RABGAP1L: variants seen among roughly 807,000 people sequenced by gnomAD.
The protein encoded by RABGAP1L is rab GTPase-activating protein 1-like.
RABGAP1L carries 63 observed loss-of-function variants against 137.7 expected under a neutral mutation model. The observed-to-expected ratio is 0.46, with a 90% CI of 0.37 to 0.56. The LOEUF (loss-of-function observed/expected upper bound fraction) is 0.56. RABGAP1L is among the 20% of genes least tolerant of loss of function. The pLI is 0.00. For missense variants in RABGAP1L, 1,095 were observed against 1,244.0 expected (o/e 0.88, Z 1.80); for synonymous variants, 431 against 433.7 (o/e 0.99, Z 0.08).
rs1484684930 is a variant in RABGAP1L at position 174,448,773 on chromosome 1, T to A, written c.1710+54628T>A. 6.2e-7 allele frequency: 1 copy of A among 1,613,924 alleles called. No individual in the cohort carries two copies. The highest frequency in any genetic ancestry group is 8.5e-7 in the Non-Finnish European group (1 of 1,179,818). On this transcript the variant is annotated intron_variant, in intron 13 of 25. Transcript: ENST00000681986. The surrounding 1 kb of genome is among the most constrained non-coding windows in gnomAD (Gnocchi z 4.2). ...GCTCCTGCTGCCTTTGTTGTCTGCT[T>A]CACTTACTTCCACATTTTCAAAATT...
chr1:174,529,999 T>A (rs1479452446), intron 13 of RABGAP1L, among the ~76,000 whole-genome samples: 1 of 152,072 alleles, frequency 6.6e-6, no homozygotes, highest in African/African-American at 2.4e-5. Context: ...TTAGGTCCTC[T>A]GATAGTGAGT....
intron 19 of RABGAP1L, among the ~76,000 whole-genome samples, chr1:174,932,731 A>G (rs1664052283): frequency 1.3e-5 from 2 of 152,100 alleles, no homozygotes; most frequent in African/African-American, 4.8e-5. Context: ...TTTCCTGTTT[A>G]TTCAGTATTA....
chr1:174,328,010 T>C lies in RABGAP1L; in HGVS notation c.1465+22883T>C, dbSNP rs1039353494. Among the ~76,000 whole-genome samples, 35 of 127,220 alleles carry C rather than the reference T, an allele frequency of 2.8e-4. 1 individual carries two copies. Among genetic ancestry groups the C allele is most frequent in the African/African-American group, 1.1e-3 (29 of 25,800 alleles). 83.5% of individuals were successfully genotyped at this position (127,220 alleles called of 152,430 possible). ...ACATATATATATATATATATATATATATATATATATATATACCCAACATCA... is the reference window on the plus strand; with the variant it reads ...ACATATATATATATATATATATATACATATATATATATATACCCAACATCA... On this transcript the variant is annotated intron_variant, in intron 11 of 25. Transcript: ENST00000681986.
At chr1:174,599,979 T>C (rs1670289879) in intron 13 of RABGAP1L, among the ~76,000 whole-genome samples, 1 of 152,174 alleles carries the variant, frequency 6.6e-6, no homozygotes, top group Non-Finnish European at 1.5e-5. Context: ...GTTTTCATGC[T>C]GCTGATAAAG....
intron 19 of RABGAP1L, among the ~76,000 whole-genome samples, chr1:174,912,889 T>C (rs1345594748): frequency 6.6e-6 from 1 of 152,186 alleles, no homozygotes; most frequent in East Asian, 1.9e-4. Flanking sequence ...TGAAAGCTTT[T>C]GTCTCTTTAT....
chr1:174,901,245 G>A (rs1199672438), intron 19 of RABGAP1L, among the ~76,000 whole-genome samples: 2 of 152,102 alleles, frequency 1.3e-5, no homozygotes, highest in Middle Eastern at 3.4e-3. Context: ...GTATTAATTC[G>A]TTCTCACACT....
intron 1 of RABGAP1L, among the ~76,000 whole-genome samples, chr1:174,192,977 A>G (rs957739912): frequency 6.6e-6 from 1 of 152,252 alleles, no homozygotes; most frequent in African/African-American, 2.4e-5. Context: ...GCTATATTAA[A>G]TAAAACAAAT....
chr1:174,965,709 G>A (rs1236865611), intron 20 of RABGAP1L, among the ~76,000 whole-genome samples: 4 of 152,190 alleles, frequency 2.6e-5, no homozygotes, highest in Non-Finnish European at 5.9e-5. Flanking sequence ...TTTTGGCCCC[G>A]TAGCTTGCTT....
chr1:174,164,513 A>T (rs1664754926), intron 1 of RABGAP1L, among the ~76,000 whole-genome samples: 1 of 152,204 alleles, frequency 6.6e-6, no homozygotes. Context: ...GGCCCTACTG[A>T]GTTAGCTATA....
At chr1:174,284,493 C>T (rs559561752) in intron 10 of RABGAP1L, among the ~76,000 whole-genome samples, 2 of 152,262 alleles carry the variant, frequency 1.3e-5, no homozygotes, top group African/African-American at 4.8e-5. Context: ...CATTCATTGA[C>T]AGACATGTTT....
chr1:174,633,346 A>T (rs1230913608), intron 13 of RABGAP1L, among the ~76,000 whole-genome samples: 3 of 147,342 alleles, frequency 2.0e-5, no homozygotes, highest in Non-Finnish European at 3.0e-5. Context: ...GGACCTCTTC[A>T]AGGAGAACTA....
At chr1:174,653,832 A>G (rs549647328) in intron 14 of RABGAP1L, among the ~76,000 whole-genome samples, 7 of 152,326 alleles carry the variant, frequency 4.6e-5, no homozygotes, top group Non-Finnish European at 1.0e-4. Context: ...TTTGTCCTAG[A>G]GAGCCAAGTG....
intron 4 of RABGAP1L, among the ~76,000 whole-genome samples, chr1:174,232,874 C>G (rs1670799863): frequency 6.6e-6 from 1 of 152,148 alleles, no homozygotes; most frequent in African/African-American, 2.4e-5. Context: ...TGTTGACCTA[C>G]TGCTCCAACT....
At chr1:174,596,764 T>C (rs1669964133) in intron 13 of RABGAP1L, among the ~76,000 whole-genome samples, 1 of 152,154 alleles carries the variant, frequency 6.6e-6, no homozygotes. Context: ...TGAATAACGG[T>C]GGTGAAAGTG....
At chr1:174,175,981 G>A (rs1665817330) in intron 1 of RABGAP1L, among the ~76,000 whole-genome samples, 2 of 152,108 alleles carry the variant, frequency 1.3e-5, no homozygotes, top group South Asian at 4.1e-4. Flanking sequence ...CGAGAAGACA[G>A]CATTGTTTTA....
chr1:174,285,166 G>T (rs374638077), intron 10 of RABGAP1L, among the ~76,000 whole-genome samples: 1 of 151,992 alleles, frequency 6.6e-6, no homozygotes, highest in African/African-American at 2.4e-5. Context: ...ACAGGTGCTT[G>T]CCACCACGCC....
At chr1:174,725,924 A>G (rs1189657667) in intron 17 of RABGAP1L, among the ~76,000 whole-genome samples, 1 of 152,132 alleles carries the variant, frequency 6.6e-6, no homozygotes, top group East Asian at 1.9e-4. Context: ...ACATGTATAC[A>G]TATGTAACAA....
At chr1:174,963,388 A>G (rs1379988663) in intron 20 of RABGAP1L, among the ~76,000 whole-genome samples, 1 of 152,132 alleles carries the variant, frequency 6.6e-6, no homozygotes, top group Non-Finnish European at 1.5e-5. Context: ...AATATAGCTA[A>G]TAAGGAGTGG....
intron 17 of RABGAP1L, among the ~76,000 whole-genome samples, chr1:174,736,593 G>C (rs1682963044): frequency 6.6e-6 from 1 of 152,200 alleles, no homozygotes; most frequent in Non-Finnish European, 1.5e-5. Context: ...ACTCTGTGTG[G>C]GGGCTCCAGC....
Sources: allele counts gnomAD v4.1 joint callset (sites outside exome capture counted in the v4.1 genomes callset), GRCh38; gene constraint gnomAD v4.1.1; non-coding constraint Gnocchi (gnomAD v3.1); transcripts MANE v1.5; gene names NCBI Gene and HGNC (gene_info 2026-07-23, HGNC 2026-07-21).